The following DYNC2H1 variants were observed in gnomAD, a reference collection of about 807,000 sequenced individuals.
DYNC2H1 encodes the protein dynein cytoplasmic 2 heavy chain 1, also known as cytoplasmic dynein 2 heavy chain 1.
A neutral mutation model predicts 570.0 loss-of-function variants in DYNC2H1; 410 were observed. The ratio of observed to expected loss-of-function variants is 0.72; its 90% CI spans 0.66 to 0.78. The LOEUF is 0.78. DYNC2H1 is among the 30% of genes least tolerant of loss of function. DYNC2H1 has a pLI of 0.00. For synonymous variants in DYNC2H1, 1,688 were observed against 1,677.6 expected, an observed-to-expected ratio of 1.01 and a Z score of -0.15; for missense variants, 4,865 against 5,046.4, an observed-to-expected ratio of 0.96 and a Z score of 1.09.
At chr11:103,450,488 G>T (rs1445102602) in intron 85 of DYNC2H1, among the ~76,000 whole-genome samples, 3 of 152,138 alleles carry the variant, frequency 2.0e-5, no homozygotes, top group Non-Finnish European at 2.9e-5. Flanking sequence ...CACAAAGTAT[G>T]CTTTCTCACC....
chr11:103,234,190 C>G (rs1864133195), intron 61 of DYNC2H1, 30 bp downstream of exon 61: 1 of 1,564,988 alleles, frequency 6.4e-7, no homozygotes, highest in South Asian at 1.2e-5. Context: ...CATGAGGAGT[C>G]TACCTTTAAA....
At chr11:103,297,699 C>T (rs1316891370) in intron 75 of DYNC2H1, among the ~76,000 whole-genome samples, 1 of 152,096 alleles carries the variant, frequency 6.6e-6, no homozygotes, top group Non-Finnish European at 1.5e-5. Flanking sequence ...ATTGAAAAGT[C>T]ATTATGCAGC....
intron 87 of DYNC2H1, among the ~76,000 whole-genome samples, chr11:103,458,049 A>G (rs1304787667): frequency 1.3e-5 from 2 of 152,232 alleles, no homozygotes; most frequent in African/African-American, 4.8e-5. Flanking sequence ...AGTGTTTATA[A>G]AGTCTACAGT....
intron 50 of DYNC2H1, among the ~76,000 whole-genome samples, chr11:103,200,695 T>C (rs1862684887): frequency 6.6e-6 from 1 of 152,238 alleles, no homozygotes. Flanking sequence ...TTCCACATAA[T>C]GCTACACATT....
intron 84 of DYNC2H1, chr11:103,405,654 G>C (rs375147199): frequency 6.6e-6 from 1 of 151,968 alleles, no homozygotes; most frequent in East Asian, 1.9e-4. Flanking sequence ...ATACAAATGC[G>C]TGGGTTGTAA....
Position 103,181,819 on chromosome 11 carries a change from A to G in DYNC2H1, c.6410A>G (p.Tyr2137Cys). 3.8e-6 allele frequency: 6 copies of G among 1,591,982 alleles called. No homozygotes were observed. The change falls in exon 40 of 89, where the codon TAT (tyrosine) becomes TGT (cysteine). Residue 2137 changes from tyrosine (Y) to cysteine (C), a missense_variant. Physicochemically the swap from Tyr to Cys is radical, Grantham distance 194 (BLOSUM62 -2). This residue lies in a region of DYNC2H1 where 231 missense variants were observed against 310.3 expected (regional missense o/e 0.74). Coordinates refer to ENST00000375735, the MANE Select transcript of DYNC2H1 (RefSeq NM_001377.3). This position sits in a 1 kb window ranked among gnomAD's most constrained non-coding sequence, Gnocchi z 5.0. ...KSWLRNQPAE[Y>C]RNNLENWIGD... ...TGGTTGAGGAATCAGCCTGCTGAATATAGAAATAATCTTGAAAATTGGATT... is the reference window on the plus strand; with the variant it reads ...TGGTTGAGGAATCAGCCTGCTGAATGTAGAAATAATCTTGAAAATTGGATT...
intron 71 of DYNC2H1, among the ~76,000 whole-genome samples, 184 bp from the exon 72 acceptor site, chr11:103,281,995 A>G (rs1283229433): frequency 2.0e-5 from 3 of 151,986 alleles, no homozygotes; most frequent in Non-Finnish European, 4.4e-5. Context: ...ATTTCATATT[A>G]ATATTTTATG....
chr11:103,188,819 G>T (rs1862182286), intron 44 of DYNC2H1, among the ~76,000 whole-genome samples, 171 bp downstream of exon 44: 1 of 152,028 alleles, frequency 6.6e-6, no homozygotes, highest in Admixed American at 6.6e-5. Context: ...AATTTAGGAT[G>T]ATAAAAGCTT....
At chr11:103,237,807 C>T (rs598165) in intron 63 of DYNC2H1, among the ~76,000 whole-genome samples, 10,304 of 151,508 alleles carry the variant, frequency 0.068, 383 homozygotes, top group Middle Eastern at 0.15. Flanking sequence ...AGTCTGTAGA[C>T]AAAATATGTT....
chr11:103,160,962 C>A lies in DYNC2H1; in HGVS notation c.4409C>A (p.Ser1470Ter). The A allele has an allele frequency of 1.3e-6, 2 of 1,564,252 alleles. No homozygotes were observed. Among genetic ancestry groups the A allele is most frequent in the South Asian group, 2.5e-5 (2 of 79,316 alleles). Residue 1470 changes from serine to a stop codon, truncating the protein, a stop_gained, in exon 29 of 89, where the codon TCA becomes TAA. Coordinates refer to ENST00000375735, the MANE Select transcript of DYNC2H1 (RefSeq NM_001377.3). LOFTEE classifies it high-confidence loss of function. Reference sequence around the variant, plus strand: ...AACAGTGTTTGCTTTGATGAGAAATCAAAACATATAACTGCAATGAAATCT... The same window carrying A: ...AACAGTGTTTGCTTTGATGAGAAATAAAAACATATAACTGCAATGAAATCT... ...GINSVCFDEK[S>*]KHITAMKSLE...
rs1862873802 is a variant in DYNC2H1 at position 103,205,073 on chromosome 11, C to T, written c.8454+109C>T. On this transcript the variant is annotated intron_variant, in intron 52 of 88. Transcript: ENST00000375735. The surrounding 1 kb of genome is among the most constrained non-coding windows in gnomAD (Gnocchi z 4.5). Reference sequence around the variant, plus strand: ...TTATAACATCACCTTAATTATGGCACCAAACATCTCTTATGTTTGGAAATG... The same window carrying T: ...TTATAACATCACCTTAATTATGGCATCAAACATCTCTTATGTTTGGAAATG... 1.1e-6 allele frequency: 1 copy of T among 935,922 alleles called. No individual in the cohort carries two copies. The highest frequency in any genetic ancestry group is 1.7e-5 in the African/African-American group (1 of 59,198). The allele number at this position is 935,922 out of a possible 1,614,324, so 58.0% of individuals were successfully genotyped here. A position where few individuals can be genotyped will look rare whatever the true frequency, so the allele number is the denominator to read the frequency against.
At chr11:103,278,346 C>G (rs1865991481) in intron 70 of DYNC2H1, among the ~76,000 whole-genome samples, 1 of 151,960 alleles carries the variant, frequency 6.6e-6, no homozygotes. Flanking sequence ...TTTAGAGTGT[C>G]CTAGGTACCA....
chr11:103,276,558 A>C (rs1865913379), intron 70 of DYNC2H1, among the ~76,000 whole-genome samples: 2 of 152,126 alleles, frequency 1.3e-5, no homozygotes. Flanking sequence ...AAAATTTGCA[A>C]AATACACATA....
intron 67 of DYNC2H1, 115 bp from the exon 68 acceptor site, chr11:103,255,989 CTT>C: frequency 1.1e-6 from 1 of 889,850 alleles, no homozygotes; most frequent in Non-Finnish European, 1.6e-6. Flanking sequence ...TGTTGAAATT[CTT>C]CTAAAATAAC....
intron 62 of DYNC2H1, 92 bp from the exon 63 acceptor site, chr11:103,236,338 G>A (rs1199267761): frequency 1.4e-5 from 11 of 806,266 alleles, no homozygotes; most frequent in South Asian, 7.4e-5. Context: ...GACTGTCATA[G>A]GACTTTTGTT....
chr11:103,126,325 T>C (rs1386741410), intron 12 of DYNC2H1, among the ~76,000 whole-genome samples: 1 of 152,216 alleles, frequency 6.6e-6, no homozygotes, highest in Non-Finnish European at 1.5e-5. Flanking sequence ...CTGCACCTAG[T>C]ATATCCAGTA....
At chr11:103,411,661 A>G (rs1943092814) in intron 84 of DYNC2H1, among the ~76,000 whole-genome samples, 1 of 152,122 alleles carries the variant, frequency 6.6e-6, no homozygotes, top group African/African-American at 2.4e-5. Flanking sequence ...TTTTAAGACC[A>G]AAATATTTTA....
intron 70 of DYNC2H1, among the ~76,000 whole-genome samples, chr11:103,279,031 A>G (rs1490252102): frequency 6.6e-6 from 1 of 152,250 alleles, no homozygotes; most frequent in Non-Finnish European, 1.5e-5. Context: ...TTCTTCCCAT[A>G]AATGGAAACA....
chr11:103,427,662 A>G (rs1053362444), intron 84 of DYNC2H1, among the ~76,000 whole-genome samples: 6 of 151,998 alleles, frequency 3.9e-5, no homozygotes, highest in African/African-American at 1.4e-4. Context: ...TTGTATCTTC[A>G]CACTGTGGAG....
Sources: allele counts gnomAD v4.1 joint callset (sites outside exome capture counted in the v4.1 genomes callset), GRCh38; gene constraint gnomAD v4.1.1; regional missense constraint gnomAD v4.1.1; non-coding constraint Gnocchi (gnomAD v3.1); transcripts MANE v1.5; gene names NCBI Gene and HGNC (gene_info 2026-07-23, HGNC 2026-07-21).